The following RASAL2 variants were observed in gnomAD, a reference collection of about 807,000 sequenced individuals.
The protein encoded by RASAL2 is ras GTPase-activating protein nGAP.
A neutral mutation model predicts 128.9 loss-of-function variants in RASAL2; 58 were observed. The observed-to-expected ratio is 0.45, with a 90% CI of 0.36 to 0.56. The LOEUF (loss-of-function observed/expected upper bound fraction) is 0.56. Ranked by LOEUF, RASAL2 falls within the 20% of genes least tolerant of loss-of-function variation. The pLI, the probability that RASAL2 is intolerant of heterozygous loss-of-function variation, is 0.00. For missense variants in RASAL2, 1,360 were observed against 1,601.6 expected, an observed-to-expected ratio of 0.85 and a Z score of 2.57; for synonymous variants, 561 against 580.8, an observed-to-expected ratio of 0.97 and a Z score of 0.49.
chr1:178,133,567 T>C (rs1429437749), intron 1 of RASAL2, among the ~76,000 whole-genome samples: 2 of 152,108 alleles, frequency 1.3e-5, no homozygotes, highest in Non-Finnish European at 2.9e-5. Flanking sequence ...TGTAAGTTGC[T>C]TTATAACTCA....
intron 5 of RASAL2, among the ~76,000 whole-genome samples, chr1:178,424,012 T>C (rs1675335583): frequency 6.6e-6 from 1 of 151,896 alleles, no homozygotes; most frequent in Non-Finnish European, 1.5e-5. Flanking sequence ...TCTTTTTGGG[T>C]GGGAAGGGGG....
intron 4 of RASAL2, among the ~76,000 whole-genome samples, chr1:178,393,505 G>A (rs1571991104): frequency 6.6e-6 from 1 of 152,172 alleles, no homozygotes; most frequent in African/African-American, 2.4e-5. Context: ...GCTGCAAGTC[G>A]ATGGGGAGCA....
At chr1:178,352,511 G>A (rs1335323479) in intron 3 of RASAL2, among the ~76,000 whole-genome samples, 1 of 152,130 alleles carries the variant, frequency 6.6e-6, no homozygotes, top group Non-Finnish European at 1.5e-5. Flanking sequence ...CTGTTCTCTT[G>A]GGCTGTTATT....
chr1:178,152,120 A>G (rs1025444869), intron 1 of RASAL2, among the ~76,000 whole-genome samples: 6 of 152,156 alleles, frequency 3.9e-5, no homozygotes, highest in African/African-American at 1.2e-4. Context: ...CAGACAGACC[A>G]TGTGATTAGA....
At chr1:178,179,261 A>G (rs1260254810) in intron 1 of RASAL2, among the ~76,000 whole-genome samples, 4 of 152,172 alleles carry the variant, frequency 2.6e-5, no homozygotes, top group Non-Finnish European at 2.9e-5. Context: ...GGAAGAAGAG[A>G]TGAGCACAAT....
intron 3 of RASAL2, among the ~76,000 whole-genome samples, chr1:178,359,588 T>C (rs1331104486): frequency 6.6e-6 from 1 of 152,230 alleles, no homozygotes; most frequent in East Asian, 1.9e-4. Flanking sequence ...TAAATTTTTA[T>C]TATTTATTAA....
intron 3 of RASAL2, among the ~76,000 whole-genome samples, chr1:178,322,682 C>G (rs1000865994): frequency 7.9e-5 from 12 of 152,242 alleles, no homozygotes; most frequent in African/African-American, 2.9e-4. Flanking sequence ...CCATTTTTAT[C>G]CTTCTGTATT....
intron 1 of RASAL2, among the ~76,000 whole-genome samples, chr1:178,111,721 T>G (rs969909418): frequency 1.3e-5 from 2 of 152,150 alleles, no homozygotes; most frequent in African/African-American, 4.8e-5. Context: ...TGTTCAATCT[T>G]TTGTCTATTT....
intron 1 of RASAL2, among the ~76,000 whole-genome samples, chr1:178,221,460 T>C (rs1663611103): frequency 6.6e-6 from 1 of 152,204 alleles, no homozygotes; most frequent in African/African-American, 2.4e-5. Context: ...TGATAAGTTA[T>C]ATCATCATTT....
At chr1:178,198,401 T>A (rs1449868274) in intron 1 of RASAL2, among the ~76,000 whole-genome samples, 1 of 152,232 alleles carries the variant, frequency 6.6e-6, no homozygotes, top group African/African-American at 2.4e-5. Flanking sequence ...TTTCAGCTTT[T>A]CTGCTCTGGT....
intron 3 of RASAL2, among the ~76,000 whole-genome samples, chr1:178,313,941 A>G (rs1034792551): frequency 6.6e-6 from 1 of 152,092 alleles, no homozygotes. Context: ...AATAAAAACA[A>G]CCTCTATTGG....
chr1:178,339,859 A>G (rs373408395), intron 3 of RASAL2, among the ~76,000 whole-genome samples: 16 of 152,330 alleles, frequency 1.1e-4, no homozygotes, highest in African/African-American at 2.4e-4. Flanking sequence ...AATATCAGCA[A>G]TGGTCAAGTG....
chr1:178,224,764 T>G (rs549268156), intron 1 of RASAL2, among the ~76,000 whole-genome samples: 1 of 152,310 alleles, frequency 6.6e-6, no homozygotes, highest in African/African-American at 2.4e-5. Flanking sequence ...AGTTGTGTCA[T>G]AAAATAGGAA....
At position 178,204,320 on chromosome 1, in the gene RASAL2, G is replaced by A. The variant is rs116751693; in HGVS notation, c.203-79244G>A. 2.2e-3 allele frequency among the ~76,000 whole-genome samples: 333 copies of A among 152,238 alleles called. 3 individuals are homozygous for A. Among genetic ancestry groups the A allele is most frequent in the African/African-American group, 7.4e-3 (309 of 41,544 alleles). ...ATTATGATCTCAGGAGATGCATATG[G>A]GTTCAGGTTGACAAGGGGTGGACTT... On this transcript the variant is annotated intron_variant, in intron 1 of 17. Coordinates refer to ENST00000367649, the MANE Select transcript of RASAL2 (RefSeq NM_170692.4).
At chr1:178,433,793 T>A (rs1020256875) in intron 5 of RASAL2, among the ~76,000 whole-genome samples, 8 of 152,012 alleles carry the variant, frequency 5.3e-5, no homozygotes, top group African/African-American at 1.9e-4. Context: ...GGTACACATC[T>A]GTAATCCCAA....
intron 4 of RASAL2, among the ~76,000 whole-genome samples, chr1:178,398,326 T>C (rs942460277): frequency 2.6e-5 from 4 of 152,180 alleles, no homozygotes; most frequent in Admixed American, 1.3e-4. Flanking sequence ...TTGCAAATTA[T>C]CAACAAATTT....
At chr1:178,285,483 T>A (rs560445082) in intron 2 of RASAL2, among the ~76,000 whole-genome samples, 25 of 152,338 alleles carry the variant, frequency 1.6e-4, no homozygotes, top group African/African-American at 5.8e-4. Flanking sequence ...ATTCTTTTTC[T>A]CTTGCCATTG....
In RASAL2 at chr1:178,253,722, G is replaced by A. The variant is rs143951574; in HGVS notation, c.203-29842G>A. On this transcript the variant is annotated intron_variant, in intron 1 of 17. Coordinates refer to ENST00000367649, the MANE Select transcript of RASAL2 (RefSeq NM_170692.4). ...TCATTGGGGGAGCTTTCTGAGCCAG[G>A]ATGAGCCAGGGAAAGGAATTTCACA... 8.2e-3 allele frequency among the ~76,000 whole-genome samples: 1,254 copies of A among 152,264 alleles called. 11 individuals are homozygous for A. The highest frequency in any genetic ancestry group is 0.012 in the Non-Finnish European group (848 of 68,022).
At chr1:178,151,381 C>T (rs1660910212) in intron 1 of RASAL2, among the ~76,000 whole-genome samples, 3 of 151,904 alleles carry the variant, frequency 2.0e-5, no homozygotes, top group South Asian at 4.2e-4. Context: ...CTCTAGCCTG[C>T]GCAACAGAGT....
Sources: gnomAD v4.1 joint callset for allele counts (sites outside exome capture counted in the v4.1 genomes callset) on GRCh38, gnomAD v4.1.1 for gene constraint, MANE v1.5 for transcripts, NCBI Gene and HGNC (gene_info 2026-07-23, HGNC 2026-07-21) for gene names.